The following EIF3E variants were observed in gnomAD, a reference collection of about 807,000 sequenced individuals.
The protein encoded by EIF3E is eukaryotic translation initiation factor 3 subunit E, also known as eIF-3 p48.
A neutral mutation model predicts 59.3 loss-of-function variants in EIF3E; 25 were observed. The ratio of observed to expected loss-of-function variants is 0.42; its 90% CI spans 0.31 to 0.59. EIF3E has a LOEUF of 0.59. Among genes scored for constraint, EIF3E ranks in the 20% least tolerant of loss-of-function variants. EIF3E has a pLI of 0.15. For synonymous variants in EIF3E, 176 were observed against 170.2 expected, an observed-to-expected ratio of 1.03 and a Z score of -0.26; for missense variants, 317 against 534.3, an observed-to-expected ratio of 0.59 and a Z score of 4.01.
At chr8:108,202,861 A>C (rs1270589092) in intron 12 of EIF3E, 122 bp downstream of exon 12, 2 of 1,163,442 alleles carry the variant, frequency 1.7e-6, no homozygotes, top group African/African-American at 1.6e-5. Context: ...TTTCTTAAAA[A>C]TGTTCATATC....
chr8:108,216,139 T>G, intron 9 of EIF3E, among the ~76,000 whole-genome samples: 1 of 152,132 alleles, frequency 6.6e-6, no homozygotes, highest in East Asian at 1.9e-4. Context: ...CCCCCAATGT[T>G]TTAACAAACT....
chr8:108,233,427 G>T (rs1037327149), intron 5 of EIF3E: 1 of 153,804 alleles, frequency 6.5e-6, no homozygotes, highest in Admixed American at 6.5e-5. Context: ...AACATGTGGA[G>T]CTACAAGTGA....
chr8:108,220,357 C>T (rs1263387552), intron 7 of EIF3E, among the ~76,000 whole-genome samples: 1 of 152,164 alleles, frequency 6.6e-6, no homozygotes, highest in African/African-American at 2.4e-5. Context: ...ATAGAAATTT[C>T]CTTCATACTT....
intron 10 of EIF3E, among the ~76,000 whole-genome samples, chr8:108,210,703 C>T (rs1046526985): frequency 3.3e-5 from 5 of 152,018 alleles, no homozygotes; most frequent in Non-Finnish European, 7.4e-5. Flanking sequence ...CCCATTAACT[C>T]GTCATTTACA....
chr8:108,203,066 C>G lies in EIF3E; in HGVS notation c.1216G>C (p.Glu406Gln), dbSNP rs1269578975. The change falls in exon 12 of 13, where the codon GAA (glutamate) becomes CAA (glutamine). Residue 406 changes from glutamate (E) to glutamine (Q), a missense_variant. Physicochemically the swap from Glu to Gln is conservative, Grantham distance 29. Around this residue, in one of 4 missense-constraint regions of EIF3E, gnomAD observed 45 missense variants for 97.8 expected, o/e 0.46. Coordinates refer to ENST00000220849, the MANE Select transcript of EIF3E (RefSeq NM_001568.3). Reference protein sequence around the residue: ...NAVSPYQQVIEKTKSLSFRSQ... With the variant: ...NAVSPYQQVIQKTKSLSFRSQ... The stretch of plus-strand genomic sequence containing the variant: ...CTAAAGGAAAGGCTTTTGGTCTTTT[C>G]AATCACTTGCTGATAGGGTGAGACT... The G allele has an allele frequency of 6.2e-7, 1 of 1,612,828 alleles. No homozygotes were observed. Among genetic ancestry groups the G allele is most frequent in the East Asian group, 2.2e-5 (1 of 44,798 alleles).
intron 2 of EIF3E, among the ~76,000 whole-genome samples, chr8:108,241,569 G>A (rs1424473287): frequency 6.6e-6 from 1 of 152,178 alleles, no homozygotes; most frequent in East Asian, 1.9e-4. Flanking sequence ...TACATACTAT[G>A]AAATGAAGGC....
chr8:108,228,198 T>A (rs950273052), intron 7 of EIF3E, 69 bp downstream of exon 7: 13 of 1,414,510 alleles, frequency 9.2e-6, no homozygotes, highest in Non-Finnish European at 1.2e-5. Flanking sequence ...AAAAAGTATA[T>A]TTTAAGTTTA....
chr8:108,240,222 A>G (rs2129921457), intron 2 of EIF3E, 147 bp from the exon 3 acceptor site: 1 of 703,046 alleles, frequency 1.4e-6, no homozygotes, highest in Non-Finnish European at 2.5e-6. Context: ...TGGGCTACTC[A>G]GTCAGAAATG....
At chr8:108,219,553 TAATG>T (rs1388980290) in intron 7 of EIF3E, among the ~76,000 whole-genome samples, 1 of 152,206 alleles carries the variant, frequency 6.6e-6, no homozygotes, top group African/African-American at 2.4e-5. Context: ...ATGTAATCTG[TAATG>T]AGATTTTACA....
At chr8:108,238,148 C>T (rs1173142920) in intron 3 of EIF3E, among the ~76,000 whole-genome samples, 1 of 152,170 alleles carries the variant, frequency 6.6e-6, no homozygotes, top group Non-Finnish European at 1.5e-5. Context: ...TTTCCGCTGT[C>T]CCTTTGTAAT....
chr8:108,204,301 C>T (rs1199048989), intron 10 of EIF3E, among the ~76,000 whole-genome samples: 3 of 152,006 alleles, frequency 2.0e-5, no homozygotes, highest in Admixed American at 6.6e-5. Context: ...AACCAACCTA[C>T]GTGCCCATCA....
chr8:108,221,798 A>ACACACGCG (rs56322259), intron 7 of EIF3E, among the ~76,000 whole-genome samples: 8 of 139,054 alleles, frequency 5.8e-5, no homozygotes, highest in South Asian at 4.8e-4. Flanking sequence ...GCCAGACTAC[A>ACACACGCG]CACACACGCA....
chr8:108,237,887 G>C (rs554317638), intron 3 of EIF3E, among the ~76,000 whole-genome samples: 118 of 152,218 alleles, frequency 7.8e-4, no homozygotes, highest in Admixed American at 3.2e-3. Flanking sequence ...ATTTAAAAAG[G>C]GTGAATTGTC....
chr8:108,209,919 C>T (rs1815175330), intron 10 of EIF3E, among the ~76,000 whole-genome samples: 1 of 151,954 alleles, frequency 6.6e-6, no homozygotes, highest in Admixed American at 6.6e-5. Flanking sequence ...AACATCCTGG[C>T]TGCTATATTT....
chr8:108,242,715 C>T (rs1298655603), intron 1 of EIF3E: 2 of 1,018,874 alleles, frequency 2.0e-6, no homozygotes, highest in African/African-American at 3.4e-5. Context: ...TAAGACAAGA[C>T]AGACCTTGCA....
Position 108,229,211 on chromosome 8 carries a change from T to C in EIF3E, c.472-16A>G. On this transcript the variant is annotated splice_polypyrimidine_tract_variant and intron_variant, in intron 5 of 12. Coordinates refer to ENST00000220849, the MANE Select transcript of EIF3E (RefSeq NM_001568.3). Reference sequence around the variant, plus strand: ...TTGCTGGAACCTGTTTAAGAAATCATAATTAATTATATTGTGAATACTCTT... The same window carrying C: ...TTGCTGGAACCTGTTTAAGAAATCACAATTAATTATATTGTGAATACTCTT... The C allele has an allele frequency of 6.2e-7, 1 of 1,610,416 alleles. No homozygotes were observed. Among genetic ancestry groups the C allele is most frequent in the Non-Finnish European group, 8.5e-7 (1 of 1,177,742 alleles).
intron 10 of EIF3E, among the ~76,000 whole-genome samples, chr8:108,205,485 C>T (rs1452189794): frequency 6.6e-6 from 1 of 152,220 alleles, no homozygotes; most frequent in Non-Finnish European, 1.5e-5. Context: ...AACCCAACTA[C>T]AGTAGTTCCC....
chr8:108,235,283 CTT>C (rs1009808422), intron 4 of EIF3E, among the ~76,000 whole-genome samples, 181 bp from the exon 5 acceptor site: 8 of 152,062 alleles, frequency 5.3e-5, no homozygotes, highest in Admixed American at 2.0e-4. Flanking sequence ...TTTTGGGAGA[CTT>C]TTATAGAACT....
chr8:108,240,725 TA>T (rs1380324569), intron 2 of EIF3E, among the ~76,000 whole-genome samples: 1 of 152,232 alleles, frequency 6.6e-6, no homozygotes, highest in Non-Finnish European at 1.5e-5. Context: ...CGCACGCCTG[TA>T]ACCCCAGCAA....
Sources: gnomAD v4.1 joint callset for allele counts (sites outside exome capture counted in the v4.1 genomes callset) on GRCh38, gnomAD v4.1.1 for gene constraint, gnomAD v4.1.1 regional missense constraint, MANE v1.5 for transcripts, NCBI Gene and HGNC (gene_info 2026-07-23, HGNC 2026-07-21) for gene names.